ANK2: variants seen among roughly 807,000 people sequenced by gnomAD.
The protein encoded by ANK2 is ankyrin 2, also known as ankyrin-2.
Under a neutral mutation model 360.5 loss-of-function variants are expected in ANK2, and 83 were observed. The observed-to-expected ratio is 0.23, with a 90% CI of 0.19 to 0.28. ANK2 has a LOEUF of 0.28. ANK2 is among the 10% of genes least tolerant of loss of function. ANK2 has a pLI of 1.00. For missense variants in ANK2, 4,201 were observed against 4,795.7 expected, an observed-to-expected ratio of 0.88 and a Z score of 3.66; for synonymous variants, 1,740 against 1,759.5, an observed-to-expected ratio of 0.99 and a Z score of 0.28.
chr4:112,803,469 A>C, the ANK2 span, among the ~76,000 whole-genome samples: 2 of 152,090 alleles, frequency 1.3e-5, no homozygotes, highest in South Asian at 4.2e-4. Flanking sequence ...GAAGCCTTGA[A>C]GACTGGAGTA....
At chr4:112,825,630 C>G (rs1351172638) in intron 1 of ANK2, among the ~76,000 whole-genome samples, 2 of 152,170 alleles carry the variant, frequency 1.3e-5, no homozygotes, top group Admixed American at 1.3e-4. Flanking sequence ...ATGGCTGAGG[C>G]ACCTATAACA....
rs552682746 is a variant in ANK2, at chr4:113,079,755, C to T, written c.84+29943C>T. ...TAAACATTTCAATTGCACGTGGGCT[C>T]TCTTCTTACTATACTTTTTCCTCAG... On this transcript the variant is annotated intron_variant, in intron 1 of 45. Transcript: ENST00000357077. Among the ~76,000 whole-genome samples, 5 of 151,994 alleles carry T rather than the reference C, an allele frequency of 3.3e-5. No individual in the cohort carries two copies. In the East Asian group the frequency reaches 9.6e-4, roughly 29 times the overall value.
chr4:113,312,274 A>G (rs551371198), intron 24 of ANK2, among the ~76,000 whole-genome samples: 8 of 150,112 alleles, frequency 5.3e-5, no homozygotes, highest in African/African-American at 2.0e-4. Context: ...CTGTCTCTTG[A>G]GACAGAAAAA....
At chr4:113,044,207 A>G (rs974452675) in intron 2 of ANK2, among the ~76,000 whole-genome samples, 1 of 152,162 alleles carries the variant, frequency 6.6e-6, no homozygotes, top group Non-Finnish European at 1.5e-5. Context: ...CATGAGAAAA[A>G]GTTACTTGTG....
intron 10 of ANK2, among the ~76,000 whole-genome samples, chr4:113,253,460 A>G (rs1038366493): frequency 3.9e-5 from 6 of 152,130 alleles, no homozygotes; most frequent in Non-Finnish European, 5.9e-5. Flanking sequence ...TGCCACTTGG[A>G]TGTCTCCTGG....
At chr4:112,958,476 C>G (rs939292221) in intron 2 of ANK2, among the ~76,000 whole-genome samples, 6 of 152,066 alleles carry the variant, frequency 3.9e-5, no homozygotes, top group Non-Finnish European at 5.9e-5. Flanking sequence ...CGCCTGCAAT[C>G]GCAGGCACTC....
intron 2 of ANK2, among the ~76,000 whole-genome samples, chr4:112,942,096 G>T (rs918898220): frequency 1.3e-5 from 2 of 151,662 alleles, no homozygotes; most frequent in African/African-American, 4.8e-5. Context: ...CATTACTTTT[G>T]TAACTGAGTT....
At chr4:113,005,892 T>C (rs1343984124) in intron 2 of ANK2, among the ~76,000 whole-genome samples, 1 of 152,086 alleles carries the variant, frequency 6.6e-6, no homozygotes, top group African/African-American at 2.4e-5. Flanking sequence ...CTCCTCCTCT[T>C]CCCTCTTGCT....
intron 35 of ANK2, among the ~76,000 whole-genome samples, chr4:113,346,627 C>A (rs2094889690): frequency 6.6e-6 from 1 of 152,140 alleles, no homozygotes; most frequent in South Asian, 2.1e-4. Flanking sequence ...GTGAGAGGAT[C>A]ACTTGAGCCC....
chr4:112,857,802 T>C (rs17045067), intron 1 of ANK2, among the ~76,000 whole-genome samples: 1,523 of 152,236 alleles, frequency 0.01, 16 homozygotes, highest in African/African-American at 0.026. Flanking sequence ...TTAATGTGCA[T>C]AGTAATCAAA....
intron 2 of ANK2, among the ~76,000 whole-genome samples, chr4:113,029,003 A>G (rs564475074): frequency 6.6e-6 from 1 of 152,238 alleles, no homozygotes; most frequent in Admixed American, 6.6e-5. Context: ...GTGTTCTGTT[A>G]GTGCAACTCA....
At position 113,237,035 on chromosome 4, in the gene ANK2, G is replaced by T. The variant is rs981901265; in HGVS notation, c.532G>T (p.Ala178Ser). Residue 178 changes from alanine (A) to serine (S), a missense_variant, in exon 6 of 46, where the codon GCG becomes TCG. Physicochemically the swap from Ala to Ser is moderately conservative, Grantham distance 99. Around this residue, in one of 4 missense-constraint regions of ANK2, gnomAD observed 122 missense variants for 239.3 expected, o/e 0.51. Coordinates refer to ENST00000357077, the MANE Select transcript of ANK2 (RefSeq NM_001148.6). ...AVALQQGHNQ[A>S]VAILLENDTK... ...GGCACTCCAGCAAGGACACAACCAG[G>T]CGGTGGCCATCCTCTTGGAGAATGA... The T allele has an allele frequency of 1.9e-6, 3 of 1,614,038 alleles. No homozygotes were observed. The African/African-American group carries it at 4.0e-5, about 22-fold the overall frequency.
At chr4:112,816,818 C>T (rs2055685183), upstream of ANK2, among the ~76,000 whole-genome samples, 3 of 152,210 alleles carry the variant, frequency 2.0e-5, no homozygotes, top group South Asian at 2.1e-4. Context: ...CGAGACCAGC[C>T]TGGACAACAT....
At chr4:112,787,084 C>T in the ANK2 span, among the ~76,000 whole-genome samples, 2 of 152,140 alleles carry the variant, frequency 1.3e-5, no homozygotes, top group Non-Finnish European at 2.9e-5. Flanking sequence ...ATTCAAGTCA[C>T]ATATATATCT....
At chr4:112,946,717 C>G (rs75183183) in intron 2 of ANK2, among the ~76,000 whole-genome samples, 1,779 of 152,230 alleles carry the variant, frequency 0.012, 9 homozygotes, top group Non-Finnish European at 0.019. Context: ...GGTACAATGC[C>G]AAGTTCTTAG....
chr4:113,168,939 T>C (rs2097849992), intron 1 of ANK2, among the ~76,000 whole-genome samples: 1 of 152,200 alleles, frequency 6.6e-6, no homozygotes, highest in Non-Finnish European at 1.5e-5. Context: ...CACACCCAGT[T>C]CTGGTTCATT....
chr4:113,222,907 ATAC>A (rs2099167445), intron 4 of ANK2, among the ~76,000 whole-genome samples: 1 of 152,242 alleles, frequency 6.6e-6, no homozygotes, highest in Non-Finnish European at 1.5e-5. Flanking sequence ...AATGTATATG[ATAC>A]TTTAATTAAT....
intron 2 of ANK2, among the ~76,000 whole-genome samples, chr4:113,194,308 T>C (rs981980428): frequency 1.3e-5 from 2 of 152,202 alleles, no homozygotes; most frequent in African/African-American, 2.4e-5. Context: ...CCAAATGGAC[T>C]CCTCTGTGGT....
chr4:113,377,735 T>C (rs1427294527), intron 45 of ANK2, among the ~76,000 whole-genome samples: 1 of 152,200 alleles, frequency 6.6e-6, no homozygotes, highest in Non-Finnish European at 1.5e-5. Flanking sequence ...GAATTATCTG[T>C]GTTATACCAT....
Sources: gnomAD v4.1 joint callset for allele counts (sites outside exome capture counted in the v4.1 genomes callset) on GRCh38, gnomAD v4.1.1 for gene constraint, gnomAD v4.1.1 regional missense constraint, MANE v1.5 for transcripts, NCBI Gene and HGNC (gene_info 2026-07-23, HGNC 2026-07-21) for gene names.